Variants in SOX21 observed in about 807,000 individuals in gnomAD.
SOX21 encodes the protein transcription factor SOX-21.
For missense variants in SOX21, 370 were observed against 388.8 expected, an observed-to-expected ratio of 0.95 and a Z score of 0.41; for synonymous variants, 237 against 189.7, an observed-to-expected ratio of 1.25 and a Z score of -2.05.
chr13:94,711,252 G>T lies in SOX21; in HGVS notation c.798C>A (p.Asp266Glu). ...CGGCAGCGTAGGCCGCGGGGTAGGG[G>T]TCCAGCTGGGGCTTGCCCATGCCCG... is the stretch of plus-strand genomic sequence containing the variant. ...LLPGMGKPQL[D>E]PYPAAYAAAL Residue 266 changes from aspartate (D) to glutamate (E), a missense_variant, in exon 1 of 1, where the codon GAC (aspartate) becomes GAA (glutamate). By Grantham distance (45) the Asp-to-Glu change is conservative. Coordinates refer to ENST00000376945, the MANE Select transcript of SOX21 (RefSeq NM_007084.4). 1 of 1,373,412 alleles carries T rather than the reference G, an allele frequency of 7.3e-7. No individual in the cohort carries two copies. Among genetic ancestry groups the T allele is most frequent in the Non-Finnish European group, 9.4e-7 (1 of 1,068,770 alleles). 85.1% of individuals were successfully genotyped at this position (1,373,412 alleles called of 1,614,324 possible).
Position 94,711,560 on chromosome 13 carries a change from C to T in SOX21, c.490G>A (p.Ala164Thr). ...AGCGAGTAGGGGCTGCCCGCGGCGG[C>T]GGCGGCGGCGGCAGCGGCGGCGGCA... ...AAAAAAAAAAAAAGSPYSLLD... is the reference protein window; with the variant it reads ...AAAAAAAAAATAAGSPYSLLD... Residue 164 changes from alanine (A) to threonine (T), a missense_variant, in exon 1 of 1, where the codon GCC becomes ACC. Physicochemically the swap from Ala to Thr is moderately conservative, Grantham distance 58. Coordinates refer to ENST00000376945, the MANE Select transcript of SOX21 (RefSeq NM_007084.4). The T allele has an allele frequency of 1.1e-6, 1 of 897,940 alleles. No individual in the cohort carries two copies. The highest frequency in any genetic ancestry group is 6.6e-5 in the Admixed American group (1 of 15,098). 55.6% of individuals were successfully genotyped at this position (897,940 alleles called of 1,614,324 possible). A position where few individuals can be genotyped will look rare whatever the true frequency, so the allele number is the denominator to read the frequency against.
rs1243058223 is a variant in SOX21, at chr13:94,710,360, CTG to C, written c.*857_*858del. The C allele has an allele frequency of 6.6e-6, 1 of 152,572 alleles. No homozygotes were observed. The highest frequency in any genetic ancestry group is 2.4e-5 in the African/African-American group (1 of 41,416). 9.5% of individuals were successfully genotyped at this position (152,572 alleles called of 1,614,324 possible). On this transcript the variant is annotated 3_prime_UTR_variant, in exon 1 of 1. Coordinates refer to ENST00000376945, the MANE Select transcript of SOX21 (RefSeq NM_007084.4). The stretch of plus-strand genomic sequence containing the variant: ...CAGTGCCTTTTTCCTTTTTTGTAAA[CTG>C]TGTCAGAAATCCAAGCGAGTGGACT...
At position 94,711,044 on chromosome 13, in the gene SOX21, C is replaced by T; in HGVS notation, c.*175G>A. On this transcript the variant is annotated 3_prime_UTR_variant, in exon 1 of 1. Coordinates refer to ENST00000376945, the MANE Select transcript of SOX21 (RefSeq NM_007084.4). The stretch of plus-strand genomic sequence containing the variant: ...AGGCCTGCTCGCCCGCGCCCTTGCG[C>T]GCTTGGCCACTCCTGCCCCGCCTGG... The T allele has an allele frequency of 1.7e-6, 1 of 590,334 alleles. No individual in the cohort carries two copies. The highest frequency in any genetic ancestry group is 2.5e-6 in the Non-Finnish European group (1 of 403,618). The allele number at this position is 590,334 out of a possible 1,614,324, so 36.6% of individuals were successfully genotyped here. A position where few individuals can be genotyped will look rare whatever the true frequency, so the allele number is the denominator to read the frequency against.
Position 94,711,557 on chromosome 13 carries a change from C to CGGA in SOX21, c.492_493insTCC (p.Ala164_Ala165insSer). Reference sequence around the variant, plus strand: ...AGCAGCGAGTAGGGGCTGCCCGCGGCGGCGGCGGCGGCGGCAGCGGCGGCG... The same window carrying CGGA: ...AGCAGCGAGTAGGGGCTGCCCGCGGCGGAGGCGGCGGCGGCGGCAGCGGCGGCG... On this transcript the variant is annotated inframe_insertion, in exon 1 of 1. Transcript: ENST00000376945. 1 of 915,306 alleles carries CGGA rather than the reference C, an allele frequency of 1.1e-6. No individual in the cohort carries two copies. The highest frequency in any genetic ancestry group is 1.3e-6 in the Non-Finnish European group (1 of 759,082). 56.7% of individuals were successfully genotyped at this position (915,306 alleles called of 1,614,324 possible).
In SOX21 at chr13:94,712,183, C is replaced by A; in HGVS notation, c.-134G>T. 7.2e-7 allele frequency: 1 copy of A among 1,380,886 alleles called. No homozygotes were observed. The highest frequency in any genetic ancestry group is 9.3e-7 in the Non-Finnish European group (1 of 1,073,666). The allele number at this position is 1,380,886 out of a possible 1,614,324, so 85.5% of individuals were successfully genotyped here. On this transcript the variant is annotated 5_prime_UTR_variant, in exon 1 of 1. Transcript: ENST00000376945. The surrounding 1 kb of genome is among the most constrained non-coding windows in gnomAD (Gnocchi z 5.0). Reference sequence around the variant, plus strand: ...CGTCGCGCCCCGGCGTCGCTCCCGCCCCGGAGGAGGGGGCTGGGGGACCAG... The same window carrying A: ...CGTCGCGCCCCGGCGTCGCTCCCGCACCGGAGGAGGGGGCTGGGGGACCAG...
rs1481340104 is a variant in SOX21, at chr13:94,712,304, C to T, written c.-255G>A. On this transcript the variant is annotated 5_prime_UTR_variant, in exon 1 of 1. Transcript: ENST00000376945. This position sits in a 1 kb window ranked among gnomAD's most constrained non-coding sequence, Gnocchi z 5.0. ...ACACTCTAACTTCTCGGCGGTGCCCCCTCCCCGCGGCGGCAGTTTGCCCTT... is the reference window on the plus strand; with the variant it reads ...ACACTCTAACTTCTCGGCGGTGCCCTCTCCCCGCGGCGGCAGTTTGCCCTT... The T allele has an allele frequency of 6.1e-6, 7 of 1,156,678 alleles. No homozygotes were observed. The highest frequency in any genetic ancestry group is 5.3e-6 in the Non-Finnish European group (5 of 942,634). The allele number at this position is 1,156,678 out of a possible 1,614,324, so 71.7% of individuals were successfully genotyped here.
Position 94,711,450 on chromosome 13 carries a change from C to T in SOX21, c.600G>A (p.Ala200=), listed in dbSNP as rs778643997. The change falls in exon 1 of 1, where the codon GCG becomes GCA. Residue 200 remains alanine, a synonymous_variant. Coordinates refer to ENST00000376945, the MANE Select transcript of SOX21 (RefSeq NM_007084.4). The part of the protein sequence containing the change: ...PYASSLGYPT[A]GAGAFHGAAA... Reference sequence around the variant, plus strand: ...CCGCGCCGTGGAAGGCGCCCGCGCCCGCGGTCGGGTAGCCCAGCGACGACG... The same window carrying T: ...CCGCGCCGTGGAAGGCGCCCGCGCCTGCGGTCGGGTAGCCCAGCGACGACG... 2 of 1,051,268 alleles carry T rather than the reference C, an allele frequency of 1.9e-6. No individual in the cohort carries two copies. Among genetic ancestry groups the T allele is most frequent in the South Asian group, 4.3e-5 (1 of 23,434 alleles). The allele number at this position is 1,051,268 out of a possible 1,614,324, so 65.1% of individuals were successfully genotyped here.
rs945223215 is a variant in SOX21 at position 94,711,560 on chromosome 13, C to CGTA, written c.489_490insTAC (p.Ala163_Ala164insTyr). On this transcript the variant is annotated inframe_insertion, in exon 1 of 1. Coordinates refer to ENST00000376945, the MANE Select transcript of SOX21 (RefSeq NM_007084.4). ...AGCGAGTAGGGGCTGCCCGCGGCGG[C>CGTA]GGCGGCGGCGGCAGCGGCGGCGGCA... 6.7e-6 allele frequency: 6 copies of CGTA among 897,928 alleles called. 1 individual carries two copies. The Admixed American group carries it at 2.0e-4, about 30-fold the overall frequency. 55.6% of individuals were successfully genotyped at this position (897,928 alleles called of 1,614,324 possible).
At position 94,709,703 on chromosome 13, in the gene SOX21, C is replaced by T. The variant is rs914081766; in HGVS notation, c.*1516G>A. On this transcript the variant is annotated 3_prime_UTR_variant, in exon 1 of 1. Coordinates refer to ENST00000376945, the MANE Select transcript of SOX21 (RefSeq NM_007084.4). ...AGAGTGATAGTCGGATTCTAATTTA[C>T]AGATATACCTTAGACGTCTAATATT... 1 of 152,608 alleles carries T rather than the reference C, an allele frequency of 6.6e-6. No individual in the cohort carries two copies. The highest frequency in any genetic ancestry group is 1.5e-5 in the Non-Finnish European group (1 of 68,046). 9.5% of individuals were successfully genotyped at this position (152,608 alleles called of 1,614,324 possible). A position where few individuals can be genotyped will look rare whatever the true frequency, so the allele number is the denominator to read the frequency against.
rs760919823 is a variant in SOX21, at chr13:94,711,552, CGCGGCGGCGGCG to C, written c.486_497del (p.Ala163_Ala166del). On this transcript the variant is annotated inframe_deletion, in exon 1 of 1. Coordinates refer to ENST00000376945, the MANE Select transcript of SOX21 (RefSeq NM_007084.4). ...GGTCGAGCAGCGAGTAGGGGCTGCCCGCGGCGGCGGCGGCGGCGGCAGCGGCGGCGGCAGCGG... is the reference window on the plus strand; with the variant it reads ...GGTCGAGCAGCGAGTAGGGGCTGCCCGCGGCGGCAGCGGCGGCGGCAGCGG... 9.4e-6 allele frequency: 9 copies of C among 961,612 alleles called. No individual in the cohort carries two copies. Among genetic ancestry groups the C allele is most frequent in the Admixed American group, 7.3e-5 (1 of 13,726 alleles). The allele number at this position is 961,612 out of a possible 1,614,324, so 59.6% of individuals were successfully genotyped here.
In SOX21 at chr13:94,712,111, A is replaced by C; in HGVS notation, c.-62T>G. 1 of 1,547,182 alleles carries C rather than the reference A, an allele frequency of 6.5e-7. No individual in the cohort carries two copies. Among genetic ancestry groups the C allele is most frequent in the Non-Finnish European group, 8.7e-7 (1 of 1,147,604 alleles). ...CGGGCCCTCGCCCTCGGCCCGGAGG[A>C]AATCAATGTTGGCTGCCCGCGGAGA... On this transcript the variant is annotated 5_prime_UTR_variant, in exon 1 of 1. Transcript: ENST00000376945. This position sits in a 1 kb window ranked among gnomAD's most constrained non-coding sequence, Gnocchi z 5.0.
In SOX21 at chr13:94,709,972, A is replaced by C. The variant is rs1212878842; in HGVS notation, c.*1247T>G. 6.6e-6 allele frequency: 1 copy of C among 152,210 alleles called. No homozygotes were observed. Among genetic ancestry groups the C allele is most frequent in the Non-Finnish European group, 1.5e-5 (1 of 68,022 alleles). 9.4% of individuals were successfully genotyped at this position (152,210 alleles called of 1,614,324 possible). On this transcript the variant is annotated 3_prime_UTR_variant, in exon 1 of 1. Coordinates refer to ENST00000376945, the MANE Select transcript of SOX21 (RefSeq NM_007084.4). Reference sequence around the variant, plus strand: ...TGAATTGCAGGTGATCTAAAAAATAAGCCAATTGAGGAGGGAAATCCAAAA... The same window carrying C: ...TGAATTGCAGGTGATCTAAAAAATACGCCAATTGAGGAGGGAAATCCAAAA...
chr13:94,711,778 T>C lies in SOX21; in HGVS notation c.272A>G (p.Lys91Arg). 6.2e-7 allele frequency: 1 copy of C among 1,613,410 alleles called. No homozygotes were observed. The highest frequency in any genetic ancestry group is 1.1e-5 in the South Asian group (1 of 91,062). ...GCCGTAGGGCACCGGGAAGGCGAAC[T>C]TGTCCTTCTTGAGCAGCGTCTTGGG... ...RKPKTLLKKD[K>R]FAFPVPYGLG... The change falls in exon 1 of 1, where the codon AAG (lysine) becomes AGG (arginine). Residue 91 changes from lysine (K) to arginine (R), a missense_variant. Coordinates refer to ENST00000376945, the MANE Select transcript of SOX21 (RefSeq NM_007084.4).
At position 94,712,156 on chromosome 13, in the gene SOX21, C is replaced by A. The variant is rs900752190; in HGVS notation, c.-107G>T. 1,263 of 1,411,956 alleles carry A rather than the reference C, an allele frequency of 8.9e-4. 1 individual carries two copies. The highest frequency in any genetic ancestry group is 1.1e-3 in the Non-Finnish European group (1,172 of 1,089,018). The allele number at this position is 1,411,956 out of a possible 1,614,324, so 87.5% of individuals were successfully genotyped here. ...CGGAGACCCGCTCGGCCGGCCGGGGCTCGTCGCGCCCCGGCGTCGCTCCCG... is the reference window on the plus strand; with the variant it reads ...CGGAGACCCGCTCGGCCGGCCGGGGATCGTCGCGCCCCGGCGTCGCTCCCG... On this transcript the variant is annotated 5_prime_UTR_variant, in exon 1 of 1. Coordinates refer to ENST00000376945, the MANE Select transcript of SOX21 (RefSeq NM_007084.4). The surrounding 1 kb of genome is among the most constrained non-coding windows in gnomAD (Gnocchi z 5.0).
Position 94,712,112 on chromosome 13 carries a change from A to G in SOX21, c.-63T>C. On this transcript the variant is annotated 5_prime_UTR_variant, in exon 1 of 1. Transcript: ENST00000376945. The surrounding 1 kb of genome is among the most constrained non-coding windows in gnomAD (Gnocchi z 5.0). ...GGGCCCTCGCCCTCGGCCCGGAGGA[A>G]ATCAATGTTGGCTGCCCGCGGAGAC... 2 of 1,545,968 alleles carry G rather than the reference A, an allele frequency of 1.3e-6. No homozygotes were observed. Among genetic ancestry groups the G allele is most frequent in the South Asian group, 1.2e-5 (1 of 84,776 alleles).
chr13:94,711,774 G>T lies in SOX21; in HGVS notation c.276C>A (p.Phe92Leu). The T allele has an allele frequency of 6.2e-7, 1 of 1,613,502 alleles. No individual in the cohort carries two copies. Residue 92 changes from phenylalanine to leucine, a missense_variant, in exon 1 of 1, where the codon TTC becomes TTA. Physicochemically the swap from Phe to Leu is conservative, Grantham distance 22. Transcript: ENST00000376945. ...CCAGGCCGTAGGGCACCGGGAAGGC[G>T]AACTTGTCCTTCTTGAGCAGCGTCT... is the stretch of plus-strand genomic sequence containing the variant. ...KPKTLLKKDKFAFPVPYGLGG... is the reference protein window; with the variant it reads ...KPKTLLKKDKLAFPVPYGLGG...
chr13:94,712,063 C>G lies in SOX21; in HGVS notation c.-14G>C, dbSNP rs1417413624. The G allele has an allele frequency of 1.2e-6, 2 of 1,609,196 alleles. No individual in the cohort carries two copies. Among genetic ancestry groups the G allele is most frequent in the Non-Finnish European group, 1.7e-6 (2 of 1,177,748 alleles). On this transcript the variant is annotated 5_prime_UTR_variant, in exon 1 of 1. Transcript: ENST00000376945. The surrounding 1 kb of genome is among the most constrained non-coding windows in gnomAD (Gnocchi z 5.0). ...CGGCTTGGACATGCTCTCGCCCTGC[C>G]GCGGCTGCAGCCCGCCGCCTCCCGG...
rs1474563028 is a variant in SOX21, at chr13:94,709,801, A to G, written c.*1418T>C. 6.6e-6 allele frequency: 1 copy of G among 152,644 alleles called. No homozygotes were observed. The highest frequency in any genetic ancestry group is 1.5e-5 in the Non-Finnish European group (1 of 68,036). The allele number at this position is 152,644 out of a possible 1,614,324, so 9.5% of individuals were successfully genotyped here. ...CCATATTTAAAATTTTAAAAACTTT[A>G]TATTACATAAAGCCAAAATGAAACT... On this transcript the variant is annotated 3_prime_UTR_variant, in exon 1 of 1. Transcript: ENST00000376945.
rs1875293599 is a variant in SOX21 at position 94,712,425 on chromosome 13, C to T, written c.-376G>A. 3 of 1,006,258 alleles carry T rather than the reference C, an allele frequency of 3.0e-6. No individual in the cohort carries two copies. The South Asian group carries it at 1.4e-4, about 46-fold the overall frequency. The allele number at this position is 1,006,258 out of a possible 1,614,324, so 62.3% of individuals were successfully genotyped here. ...AGAGCGCTCCTCCTCCTCGGTCGTT[C>T]TCTCTTAAATGCAAAGCGTCCCCAA... On this transcript the variant is annotated 5_prime_UTR_variant, in exon 1 of 1. Coordinates refer to ENST00000376945, the MANE Select transcript of SOX21 (RefSeq NM_007084.4). The surrounding 1 kb of genome is among the most constrained non-coding windows in gnomAD (Gnocchi z 5.0).
Sources: allele counts gnomAD v4.1 joint callset, GRCh38; gene constraint gnomAD v4.1.1; non-coding constraint Gnocchi (gnomAD v3.1); transcripts MANE v1.5; gene names NCBI Gene and HGNC (gene_info 2026-07-23, HGNC 2026-07-21).